SVIL: variants seen among roughly 807,000 people sequenced by gnomAD.
SVIL encodes archvillin.
In SVIL, 101 loss-of-function variants were observed where a neutral mutation model predicts 240.4. That is an observed-to-expected ratio of 0.42 (90% CI 0.36 to 0.50). SVIL has a LOEUF of 0.50. Ranked by LOEUF, SVIL falls within the 20% of genes least tolerant of loss-of-function variation. SVIL has a pLI of 0.01. For synonymous variants in SVIL, 999 were observed against 1,100.0 expected, an observed-to-expected ratio of 0.91 and a Z score of 1.82; for missense variants, 2,512 against 2,818.7, an observed-to-expected ratio of 0.89 and a Z score of 2.46.
intron 1 of SVIL, among the ~76,000 whole-genome samples, chr10:29,598,953 C>A (rs901756229): frequency 1.3e-5 from 2 of 152,172 alleles, no homozygotes; most frequent in African/African-American, 4.8e-5. Context: ...GCCAGCCCAG[C>A]CAACGTTTCA....
intron 1 of SVIL, among the ~76,000 whole-genome samples, chr10:29,734,404 T>TA (rs1564373588): frequency 2.0e-5 from 3 of 151,894 alleles, no homozygotes; most frequent in South Asian, 2.1e-4. Context: ...TTGTCAAAAA[T>TA]AAAAAAATAA....
chr10:29,531,184 A>G (rs1332623919), intron 10 of SVIL, 70 bp downstream of exon 10: 3 of 1,526,254 alleles, frequency 2.0e-6, no homozygotes, highest in East Asian at 4.6e-5. Context: ...TCAAAAAGCC[A>G]AAAACCTTAT....
chr10:29,609,400 G>A (rs1360266261), intron 1 of SVIL, among the ~76,000 whole-genome samples: 2 of 152,184 alleles, frequency 1.3e-5, no homozygotes, highest in African/African-American at 4.8e-5. Flanking sequence ...ATGGGAAACA[G>A]CAGTGGGGCT....
chr10:29,564,963 G>T (rs1954845076), intron 2 of SVIL, among the ~76,000 whole-genome samples: 1 of 152,080 alleles, frequency 6.6e-6, no homozygotes, highest in Non-Finnish European at 1.5e-5. Flanking sequence ...AAATGTACCC[G>T]ACTTAAGGAA....
chr10:29,657,665 A>G (rs1339550341), intron 3 of SVIL, among the ~76,000 whole-genome samples: 2 of 152,178 alleles, frequency 1.3e-5, no homozygotes, highest in Non-Finnish European at 1.5e-5. Context: ...TCAGCTCAGA[A>G]AGAAAACCAC....
chr10:29,703,727 G>A lies in SVIL; in HGVS notation c.-399-17076C>T, dbSNP rs57931523. Among the ~76,000 whole-genome samples, 31 of 152,334 alleles carry A rather than the reference G, an allele frequency of 2.0e-4. No individual in the cohort carries two copies. In the East Asian group the frequency reaches 5.6e-3, roughly 28 times the overall value. ...TCATCCCAAATGGGATTCCTCAGTG[G>A]CCCTGACAAACAGTTGGGGAAAGTT... On this transcript the variant is annotated intron_variant, in intron 1 of 35. Coordinates refer to the SVIL transcript ENST00000375400.
intron 2 of SVIL, among the ~76,000 whole-genome samples, chr10:29,684,079 C>A (rs921274399): frequency 1.3e-5 from 2 of 152,108 alleles, no homozygotes; most frequent in Non-Finnish European, 2.9e-5. Context: ...CCAAAAAACT[C>A]TGCTTCCTTT....
upstream of SVIL, among the ~76,000 whole-genome samples, chr10:29,636,365 A>C (rs534797957): frequency 7.9e-5 from 12 of 152,336 alleles, no homozygotes; most frequent in African/African-American, 2.4e-4. Flanking sequence ...TAAAGAGAAG[A>C]TAGGAGGAGA....
At chr10:29,499,810 C>T (rs1948735219) in intron 17 of SVIL, among the ~76,000 whole-genome samples, 2 of 152,224 alleles carry the variant, frequency 1.3e-5, no homozygotes, top group African/African-American at 4.8e-5. Context: ...CACTGATGTT[C>T]TGCGGGCAGG....
intron 29 of SVIL, among the ~76,000 whole-genome samples, chr10:29,475,724 A>G (rs1946121560): frequency 6.6e-6 from 1 of 152,188 alleles, no homozygotes; most frequent in Admixed American, 6.5e-5. Flanking sequence ...CAGGTGTCCC[A>G]GGGAGTGAGG....
intron 1 of SVIL, among the ~76,000 whole-genome samples, chr10:29,725,772 G>A (rs1312973067): frequency 6.6e-6 from 1 of 152,142 alleles, no homozygotes; most frequent in Non-Finnish European, 1.5e-5. Flanking sequence ...TTTAGAAACA[G>A]AGTTGGCAAA....
intron 33 of SVIL, 42 bp from the exon 34 acceptor site, chr10:29,465,792 T>C: frequency 1.3e-6 from 2 of 1,591,698 alleles, no homozygotes; most frequent in Non-Finnish European, 1.7e-6. Flanking sequence ...ATCATGTGCA[T>C]CAAAGTAAAT....
intron 29 of SVIL, 37 bp downstream of exon 29, chr10:29,480,500 C>T: frequency 6.2e-7 from 1 of 1,604,704 alleles, no homozygotes; most frequent in Non-Finnish European, 8.5e-7. Flanking sequence ...CCGGGCCAGC[C>T]TCTTTCAGCT....
At chr10:29,617,125 TG>T (rs1249040948) in intron 1 of SVIL, among the ~76,000 whole-genome samples, 22 of 152,186 alleles carry the variant, frequency 1.4e-4, no homozygotes, top group Non-Finnish European at 4.4e-5. Context: ...ATTTCCCAGT[TG>T]CTTCCGCACA....
Position 29,530,654 on chromosome 10 carries a change from C to T in SVIL, c.2059G>A (p.Asp687Asn), listed in dbSNP as rs1951292813. The change falls in exon 11 of 38, where the codon GAT (aspartate) becomes AAT (asparagine). Residue 687 changes from aspartate to asparagine, a missense_variant. Transcript: ENST00000355867. ...TPTVDDEEKV[D>N]ERAKLSVAAK... is the part of the protein sequence containing the mutation. ...GCGACGCTCAGCTTGGCTCGTTCAT[C>T]CACCTTTTCTTCATCTGCAAAAAGC... 6.2e-7 allele frequency: 1 copy of T among 1,614,152 alleles called. No homozygotes were observed. Among genetic ancestry groups the T allele is most frequent in the South Asian group, 1.1e-5 (1 of 91,088 alleles).
intron 3 of SVIL, among the ~76,000 whole-genome samples, chr10:29,650,815 G>A (rs1308730429): frequency 6.6e-6 from 1 of 152,110 alleles, no homozygotes; most frequent in African/African-American, 2.4e-5. Flanking sequence ...TGGCCATGGT[G>A]GCACACGCCT....
intron 1 of SVIL, among the ~76,000 whole-genome samples, chr10:29,577,695 TA>T (rs1564664620): frequency 6.6e-6 from 1 of 152,240 alleles, no homozygotes; most frequent in Non-Finnish European, 1.5e-5. Flanking sequence ...TTTGGGTAGA[TA>T]CCCAGTAGTG....
chr10:29,555,138 T>C lies in SVIL; in HGVS notation c.-50-30A>G, dbSNP rs1547170. On this transcript the variant is annotated intron_variant, in intron 3 of 37. Transcript: ENST00000355867. ...AAGAAAACCAAAAAAGAACAAAATA[T>C]AGTATTTAGTAGTCGTGCGCTCATT... 0.27 allele frequency: 418,428 copies of C among 1,570,012 alleles called. 56,843 individuals carry two copies. Among genetic ancestry groups the C allele is most frequent in the African/African-American group, 0.39 (28,565 of 73,194 alleles).
chr10:29,685,114 C>T (rs1960962143), intron 2 of SVIL, among the ~76,000 whole-genome samples: 1 of 152,160 alleles, frequency 6.6e-6, no homozygotes, highest in Non-Finnish European at 1.5e-5. Flanking sequence ...TTGTTCCCCT[C>T]CTAGTATCCA....
Sources: allele counts gnomAD v4.1 joint callset (sites outside exome capture counted in the v4.1 genomes callset), GRCh38; gene constraint gnomAD v4.1.1; transcripts MANE v1.5; gene names NCBI Gene and HGNC (gene_info 2026-07-23, HGNC 2026-07-21).